Variants in WWOX observed in about 807,000 individuals in gnomAD.
WWOX encodes the protein WW domain-containing oxidoreductase.
A neutral mutation model predicts 46.2 loss-of-function variants in WWOX; 69 were observed. The observed-to-expected ratio is 1.49, with a 90% confidence interval of 1.23 to 1.82. The LOEUF is 1.82. Among genes scored for constraint, WWOX ranks in the 40% most tolerant of loss-of-function variants. The pLI, the probability that WWOX is intolerant of heterozygous loss-of-function variation, is 0.00. For missense variants in WWOX, 919 were observed against 542.6 expected, an observed-to-expected ratio of 1.69 and a Z score of -6.89; for synonymous variants, 359 against 202.6, an observed-to-expected ratio of 1.77 and a Z score of -6.56.
intron 8 of WWOX, among the ~76,000 whole-genome samples, chr16:79,034,081 G>T (rs571542519): frequency 2.1e-4 from 32 of 152,332 alleles, no homozygotes; most frequent in African/African-American, 7.0e-4. Context: ...GTGTGGGCTG[G>T]TGGTAATGGG....
intron 4 of WWOX, among the ~76,000 whole-genome samples, chr16:78,129,381 G>T (rs970565432): frequency 6.6e-6 from 1 of 152,072 alleles, no homozygotes; most frequent in African/African-American, 2.4e-5. Context: ...CCACAAACTC[G>T]GTGCTTCTAT....
At chr16:78,190,276 G>T (rs1345216703) in intron 5 of WWOX, among the ~76,000 whole-genome samples, 1 of 152,196 alleles carries the variant, frequency 6.6e-6, no homozygotes, top group African/African-American at 2.4e-5. Flanking sequence ...CTAGCGCTTA[G>T]TTTCCTGCCA....
Position 78,617,402 on chromosome 16 carries a change from C to CA in WWOX, c.1056+184668dup, listed in dbSNP as rs33977792. Reference sequence around the variant, plus strand: ...GGGCCACACAGAGAAACCTTGTATCCAAAAAAAAAAAAAAAAAAGTGACCA... The same window carrying CA: ...GGGCCACACAGAGAAACCTTGTATCCAAAAAAAAAAAAAAAAAAAGTGACCA... On this transcript the variant is annotated intron_variant, in intron 8 of 8. Coordinates refer to ENST00000566780, the MANE Select transcript of WWOX (RefSeq NM_016373.4). Among the ~76,000 whole-genome samples the CA allele has an allele frequency of 2.6e-3, 344 of 134,288 alleles. 2 individuals are homozygous for CA. The highest frequency in any genetic ancestry group is 7.0e-3 in the African/African-American group (253 of 36,266). The allele number at this position is 134,288 out of a possible 152,430, so 88.1% of individuals were successfully genotyped here.
chr16:79,117,948 TG>T (rs1331723485), intron 8 of WWOX, among the ~76,000 whole-genome samples: 2 of 152,226 alleles, frequency 1.3e-5, no homozygotes, highest in Admixed American at 6.5e-5. Flanking sequence ...ATTCTTCATA[TG>T]GGTGATAACG....
intron 8 of WWOX, among the ~76,000 whole-genome samples, chr16:78,605,552 G>C (rs188684311): frequency 6.6e-6 from 1 of 151,946 alleles, no homozygotes; most frequent in Non-Finnish European, 1.5e-5. Flanking sequence ...TGGAAAATAT[G>C]CCCAGAGTTT....
At chr16:78,773,726 AG>A (rs1237960738) in intron 8 of WWOX, among the ~76,000 whole-genome samples, 2 of 152,210 alleles carry the variant, frequency 1.3e-5, no homozygotes, top group Non-Finnish European at 2.9e-5. Context: ...ACCCAAAATG[AG>A]GAGTCCCTGG....
intron 8 of WWOX, among the ~76,000 whole-genome samples, chr16:78,887,077 GGTGTGTGT>G (rs749992495): frequency 0.048 from 2,962 of 61,096 alleles, 45 homozygotes; most frequent in East Asian, 0.078. Flanking sequence ...GTGTGTGTGT[GGTGTGTGT>G]GTGTGTGTGT....
chr16:78,625,826 TGG>T (rs1382201384), intron 8 of WWOX, among the ~76,000 whole-genome samples: 1 of 147,298 alleles, frequency 6.8e-6, no homozygotes, highest in Non-Finnish European at 1.5e-5. Flanking sequence ...AATTGGCAAA[TGG>T]CAATTGCGGT....
rs73571661 is a variant in WWOX at position 78,733,027 on chromosome 16, C to G, written c.1056+300275C>G. ...TGTCAGGACCCATTCCTTTACCCCT[C>G]TTTGCTTTTACGGTTTTCACATTTT... On this transcript the variant is annotated intron_variant, in intron 8 of 8. Transcript: ENST00000566780. 6.3e-3 allele frequency among the ~76,000 whole-genome samples: 956 copies of G among 152,284 alleles called. 9 individuals carry two copies. Among genetic ancestry groups the G allele is most frequent in the African/African-American group, 0.021 (870 of 41,560 alleles).
chr16:78,527,294 TTC>T (rs2043496807), intron 8 of WWOX, among the ~76,000 whole-genome samples: 1 of 69,248 alleles, frequency 1.4e-5, no homozygotes, highest in Non-Finnish European at 3.9e-5. Context: ...CTTTTTTTCT[TTC>T]TTTTTTTTTT....
chr16:78,629,753 C>G (rs934898669), intron 8 of WWOX, among the ~76,000 whole-genome samples: 2 of 152,186 alleles, frequency 1.3e-5, no homozygotes, highest in East Asian at 3.8e-4. Context: ...TGGATCATCA[C>G]TTTCTCTGGG....
intron 6 of WWOX, among the ~76,000 whole-genome samples, chr16:78,411,993 T>C (rs1433401365): frequency 6.6e-6 from 1 of 152,172 alleles, no homozygotes; most frequent in Admixed American, 6.5e-5. Context: ...TGGTCCTCCT[T>C]GTCAACAGAG....
chr16:78,480,915 A>G (rs1189736809), intron 8 of WWOX, among the ~76,000 whole-genome samples: 1 of 152,242 alleles, frequency 6.6e-6, no homozygotes, highest in African/African-American at 2.4e-5. Context: ...ACATTTGTGC[A>G]AAAAGATCAG....
At chr16:78,400,237 GTC>G (rs1434793125) in intron 6 of WWOX, among the ~76,000 whole-genome samples, 1 of 152,148 alleles carries the variant, frequency 6.6e-6, no homozygotes, top group Admixed American at 6.6e-5. Flanking sequence ...GGAGGAAAAG[GTC>G]TCTGTTTGTC....
At chr16:78,787,695 G>T (rs757245013) in intron 8 of WWOX, among the ~76,000 whole-genome samples, 1 of 152,152 alleles carries the variant, frequency 6.6e-6, no homozygotes, top group Non-Finnish European at 1.5e-5. Context: ...GAGTGGCATT[G>T]CTGGGTAATA....
chr16:78,642,452 G>A (rs1235856646), intron 8 of WWOX, among the ~76,000 whole-genome samples: 2 of 152,066 alleles, frequency 1.3e-5, no homozygotes, highest in South Asian at 4.1e-4. Context: ...CGGCCCTGAT[G>A]GAATCTGTCG....
chr16:78,471,266 T>C (rs2084213784), intron 8 of WWOX, among the ~76,000 whole-genome samples: 1 of 152,240 alleles, frequency 6.6e-6, no homozygotes, highest in African/African-American at 2.4e-5. Flanking sequence ...GAGCTGCTAA[T>C]AAACATTCTG....
chr16:78,893,720 G>C (rs1487811535), intron 8 of WWOX, among the ~76,000 whole-genome samples: 3 of 152,116 alleles, frequency 2.0e-5, no homozygotes, highest in East Asian at 1.9e-4. Context: ...GAACTCATTA[G>C]CTTCCCCTTG....
intron 8 of WWOX, among the ~76,000 whole-genome samples, chr16:79,036,463 G>C (rs983070021): frequency 1.3e-5 from 2 of 152,218 alleles, no homozygotes; most frequent in Non-Finnish European, 2.9e-5. Context: ...TTCATGACAT[G>C]TGAGGCCTTT....
Sources: allele counts gnomAD v4.1 joint callset (sites outside exome capture counted in the v4.1 genomes callset), GRCh38; gene constraint gnomAD v4.1.1; transcripts MANE v1.5; gene names NCBI Gene and HGNC (gene_info 2026-07-23, HGNC 2026-07-21).